The following SLC35D4 variants were observed in gnomAD, a reference collection of about 807,000 sequenced individuals.
SLC35D4 encodes the protein solute carrier family 35 member D4, also known as UDP-N-acetylglucosamine transporter SLC35D4.
At chr18:23,413,008 G>A in the SLC35D4 span, among the ~76,000 whole-genome samples, 1 of 152,188 alleles carries the variant, frequency 6.6e-6, no homozygotes, top group African/African-American at 2.4e-5. Flanking sequence ...AGGACCATGT[G>A]ACCACTGGGT....
chr18:23,384,433 C>A, the SLC35D4 span, among the ~76,000 whole-genome samples: 1 of 152,150 alleles, frequency 6.6e-6, no homozygotes, highest in Non-Finnish European at 1.5e-5. Flanking sequence ...ATGTGCAGAG[C>A]ACCTACTGCA....
At chr18:23,292,695 C>G in the SLC35D4 span, among the ~76,000 whole-genome samples, 1 of 152,178 alleles carries the variant, frequency 6.6e-6, no homozygotes, top group Admixed American at 6.5e-5. Context: ...CGAGTCCCAG[C>G]TGGGTGGGCC....
chr18:23,305,766 C>A, the SLC35D4 span, among the ~76,000 whole-genome samples: 6 of 152,300 alleles, frequency 3.9e-5, no homozygotes, highest in East Asian at 1.2e-3. Context: ...GTGCAGTGAG[C>A]AAAACCATTC....
the SLC35D4 span, among the ~76,000 whole-genome samples, chr18:23,407,642 CTAA>C: frequency 6.6e-6 from 1 of 151,900 alleles, no homozygotes; most frequent in Non-Finnish European, 1.5e-5. Context: ...TCCAACTTTC[CTAA>C]TAATAAAGGA....
At chr18:23,275,184 G>A in the SLC35D4 span, among the ~76,000 whole-genome samples, 1 of 151,864 alleles carries the variant, frequency 6.6e-6, no homozygotes, top group Non-Finnish European at 1.5e-5. Context: ...GGCAGCAGAG[G>A]GTGGGAACTT....
chr18:23,352,923 C>T, the SLC35D4 span, among the ~76,000 whole-genome samples: 166 of 152,326 alleles, frequency 1.1e-3, 2 homozygotes, highest in Non-Finnish European at 2.2e-4. Context: ...TGTGGACCAA[C>T]AAGGGCGAGG....
chr18:23,281,412 T>G, the SLC35D4 span, among the ~76,000 whole-genome samples: 1 of 152,272 alleles, frequency 6.6e-6, no homozygotes, highest in Non-Finnish European at 1.5e-5. Flanking sequence ...AGCCTTGACC[T>G]CCTGGACTTG....
At chr18:23,313,463 T>C in the SLC35D4 span, among the ~76,000 whole-genome samples, 3 of 151,806 alleles carry the variant, frequency 2.0e-5, no homozygotes, top group Middle Eastern at 6.9e-3. Flanking sequence ...CTGGTGTGAG[T>C]GTGTGACAAG....
chr18:23,371,942 T>TTG, the SLC35D4 span, among the ~76,000 whole-genome samples: 2 of 30,750 alleles, frequency 6.5e-5, no homozygotes, highest in African/African-American at 9.1e-5. Flanking sequence ...TTTGTTTTTT[T>TTG]TTTTTTTTTT....
the SLC35D4 span, among the ~76,000 whole-genome samples, chr18:23,425,510 CCTA>C: frequency 6.6e-6 from 1 of 152,216 alleles, no homozygotes; most frequent in South Asian, 2.1e-4. Flanking sequence ...ATACACATAA[CCTA>C]CTGAACACCA....
chr18:23,356,590 T>C, the SLC35D4 span: 3 of 1,614,006 alleles, frequency 1.9e-6, no homozygotes, highest in Admixed American at 1.7e-5. This position sits in a 1 kb window ranked among gnomAD's most constrained non-coding sequence, Gnocchi z 4.1. Flanking sequence ...GAGCTTACGA[T>C]TACCTGGCAC....
At chr18:23,383,944 A>C in the SLC35D4 span, among the ~76,000 whole-genome samples, 1 of 136,478 alleles carries the variant, frequency 7.3e-6, no homozygotes, top group South Asian at 2.5e-4. Flanking sequence ...CACCTGTAAA[A>C]AGCATGTGGC....
At chr18:23,320,986 A>G in the SLC35D4 span, among the ~76,000 whole-genome samples, 1 of 152,156 alleles carries the variant, frequency 6.6e-6, no homozygotes, top group Admixed American at 6.5e-5. Context: ...GAAAAACTAG[A>G]CTTCCTCTGG....
At chr18:23,270,543 C>T in the SLC35D4 span, among the ~76,000 whole-genome samples, 1 of 152,202 alleles carries the variant, frequency 6.6e-6, no homozygotes, top group African/African-American at 2.4e-5. Context: ...CTGCCAACAG[C>T]CTGTACTGTG....
At chr18:23,397,780 C>A in the SLC35D4 span, among the ~76,000 whole-genome samples, 1 of 152,156 alleles carries the variant, frequency 6.6e-6, no homozygotes, top group Non-Finnish European at 1.5e-5. Context: ...ATGCCAGGTG[C>A]AGTAGCTCAT....
At chr18:23,433,607 G>A in the SLC35D4 span, among the ~76,000 whole-genome samples, 1 of 152,282 alleles carries the variant, frequency 6.6e-6, no homozygotes, top group African/African-American at 2.4e-5. Context: ...GCTCAAGGGT[G>A]TGGTGCTTTC....
the SLC35D4 span, among the ~76,000 whole-genome samples, chr18:23,408,658 T>G: frequency 6.6e-6 from 1 of 152,170 alleles, no homozygotes; most frequent in South Asian, 2.1e-4. Flanking sequence ...AATTTCAAAT[T>G]CAATAAACAT....
chr18:23,371,160 T>C, the SLC35D4 span, among the ~76,000 whole-genome samples: 1 of 151,524 alleles, frequency 6.6e-6, no homozygotes, highest in Non-Finnish European at 1.5e-5. Context: ...GGTGGTGTGA[T>C]CATGACTCCT....
the SLC35D4 span, among the ~76,000 whole-genome samples, chr18:23,269,846 T>C: frequency 1.3e-5 from 2 of 152,128 alleles, no homozygotes; most frequent in Non-Finnish European, 2.9e-5. Context: ...AGAGAGATGA[T>C]TTAGGGTATC....
Sources: gnomAD v4.1 joint callset for allele counts (sites outside exome capture counted in the v4.1 genomes callset) on GRCh38, gnomAD v4.1.1 for gene constraint, Gnocchi (gnomAD v3.1) non-coding constraint, MANE v1.5 for transcripts, NCBI Gene and HGNC (gene_info 2026-07-23, HGNC 2026-07-21) for gene names.